The following GMCL1 variants were observed in gnomAD, a reference collection of about 807,000 sequenced individuals.
GMCL1 encodes the protein germ cell-less 1, spermatogenesis associated.
GMCL1 carries 54 observed loss-of-function variants against 75.5 expected under a neutral mutation model. The observed-to-expected ratio is 0.71, with a 90% CI of 0.57 to 0.90. GMCL1 has a LOEUF of 0.90. Among genes scored for constraint, GMCL1 ranks in the 40% least tolerant of loss-of-function variants. The pLI is 0.00. For synonymous variants in GMCL1, 210 were observed against 209.6 expected (o/e 1.00, Z -0.02); for missense variants, 537 against 622.7 (o/e 0.86, Z 1.47).
intron 11 of GMCL1, among the ~76,000 whole-genome samples, chr2:69,867,726 A>C (rs1675860160): frequency 6.6e-6 from 1 of 152,224 alleles, no homozygotes; most frequent in South Asian, 2.1e-4. Context: ...GCATCCAGAC[A>C]GATGAATGTG....
At chr2:69,855,238 A>C (rs558422939) in intron 9 of GMCL1, among the ~76,000 whole-genome samples, 5 of 152,120 alleles carry the variant, frequency 3.3e-5, no homozygotes, top group Admixed American at 1.3e-4. Context: ...AAACCAGTAC[A>C]TGATTTTGGA....
chr2:69,848,417 G>T (rs184227752), intron 7 of GMCL1, among the ~76,000 whole-genome samples: 2 of 152,316 alleles, frequency 1.3e-5, no homozygotes, highest in African/African-American at 4.8e-5. Context: ...TTAAAAAATT[G>T]GTGCAGAGGT....
chr2:69,835,652 A>G (rs1335092045), intron 1 of GMCL1, among the ~76,000 whole-genome samples: 1 of 152,176 alleles, frequency 6.6e-6, no homozygotes, highest in East Asian at 1.9e-4. Context: ...ATCACAGCAC[A>G]TTTCATATTT....
At chr2:69,864,073 A>G (rs1262851850) in intron 10 of GMCL1, among the ~76,000 whole-genome samples, 2 of 152,062 alleles carry the variant, frequency 1.3e-5, no homozygotes, top group Non-Finnish European at 2.9e-5. Context: ...ACAAACCACA[A>G]ATTATTAATA....
intron 1 of GMCL1, among the ~76,000 whole-genome samples, chr2:69,834,108 T>C (rs1399923426): frequency 6.6e-6 from 1 of 152,170 alleles, no homozygotes; most frequent in Non-Finnish European, 1.5e-5. Context: ...GGACAGTGCC[T>C]TTTTTTGTAT....
At chr2:69,868,008 G>A (rs1019100961) in intron 11 of GMCL1, among the ~76,000 whole-genome samples, 8 of 152,100 alleles carry the variant, frequency 5.3e-5, no homozygotes, top group Non-Finnish European at 7.4e-5. Flanking sequence ...GTAGCTATGC[G>A]CTATGCATTT....
chr2:69,835,835 A>C (rs1327468646), intron 1 of GMCL1, among the ~76,000 whole-genome samples: 1 of 152,152 alleles, frequency 6.6e-6, no homozygotes, highest in Non-Finnish European at 1.5e-5. Flanking sequence ...TGGTATCCTG[A>C]ACTGGTGAAT....
intron 1 of GMCL1, among the ~76,000 whole-genome samples, chr2:69,830,767 T>TG (rs1348662636): frequency 6.6e-6 from 1 of 151,518 alleles, no homozygotes; most frequent in Non-Finnish European, 1.5e-5. Flanking sequence ...TAACCCCTTT[T>TG]TTTTTTTTTT....
Position 69,865,814 on chromosome 2 carries a change from A to G in GMCL1, c.1218+839A>G, listed in dbSNP as rs778777629. ...AGACAGGCTCTCCCTCTGTCACCCA[A>G]CCTGGAGTGCAGTGGCGTGACCACA... On this transcript the variant is annotated intron_variant, in intron 11 of 13. Coordinates refer to ENST00000282570, the MANE Select transcript of GMCL1 (RefSeq NM_178439.5). Among the ~76,000 whole-genome samples, 7 of 152,136 alleles carry G rather than the reference A, an allele frequency of 4.6e-5. 1 individual carries two copies. The highest frequency in any genetic ancestry group is 3.9e-4 in the Admixed American group (6 of 15,270).
At chr2:69,874,038 G>A (rs557011536) in intron 13 of GMCL1, among the ~76,000 whole-genome samples, 1 of 149,846 alleles carries the variant, frequency 6.7e-6, no homozygotes, top group East Asian at 2.0e-4. Flanking sequence ...CATAATATTA[G>A]TTGTTTTGGC....
Position 69,829,813 on chromosome 2 carries a change from G to T in GMCL1, c.-80G>T. 2 of 1,437,348 alleles carry T rather than the reference G, an allele frequency of 1.4e-6. No individual in the cohort carries two copies. Among genetic ancestry groups the T allele is most frequent in the Non-Finnish European group, 9.1e-7 (1 of 1,093,816 alleles). 89.0% of individuals were successfully genotyped at this position (1,437,348 alleles called of 1,614,324 possible). On this transcript the variant is annotated 5_prime_UTR_variant, in exon 1 of 14. Transcript: ENST00000282570. ...TGGCGGTGTAGGCACCTGCGCTCGG[G>T]GAAGGCTGGCGGCGGCGGCCGAGCC...
At chr2:69,876,741 C>T (rs1676137205) in intron 13 of GMCL1, among the ~76,000 whole-genome samples, 1 of 152,166 alleles carries the variant, frequency 6.6e-6, no homozygotes, top group Non-Finnish European at 1.5e-5. Flanking sequence ...GTAATCCCAG[C>T]ACTTTGGGAG....
intron 6 of GMCL1, chr2:69,844,965 C>T (rs1013399779): frequency 7.3e-5 from 13 of 178,964 alleles, no homozygotes; most frequent in Admixed American, 2.0e-4. Context: ...AATCAGTCCT[C>T]AGGGTTTCTC....
At chr2:69,832,469 T>G (rs533016879) in intron 1 of GMCL1, among the ~76,000 whole-genome samples, 2 of 152,272 alleles carry the variant, frequency 1.3e-5, no homozygotes, top group East Asian at 3.9e-4. Flanking sequence ...CATACATACA[T>G]ACATATATAC....
Position 69,876,822 on chromosome 2 carries a change from A to G in GMCL1, c.1453-2087A>G, listed in dbSNP as rs948176732. On this transcript the variant is annotated intron_variant, in intron 13 of 13. Coordinates refer to ENST00000282570, the MANE Select transcript of GMCL1 (RefSeq NM_178439.5). ...CTGGCAACTTAGCAAAACCCTATCT[A>G]TACAAAAAATTGAAAAATTAGCCGG... Among the ~76,000 whole-genome samples, 9 of 152,208 alleles carry G rather than the reference A, an allele frequency of 5.9e-5. No homozygotes were observed. The East Asian group carries it at 1.4e-3, about 23-fold the overall frequency.
intron 10 of GMCL1, among the ~76,000 whole-genome samples, chr2:69,861,713 T>A (rs1675653355): frequency 6.6e-6 from 1 of 152,230 alleles, no homozygotes; most frequent in Non-Finnish European, 1.5e-5. Context: ...AAATCTGTTT[T>A]TCTTATGGTA....
rs373423781 is a variant in GMCL1, at chr2:69,871,804, A to G, written c.1424A>G (p.Tyr475Cys). 1.9e-6 allele frequency: 3 copies of G among 1,592,488 alleles called. No homozygotes were observed. The highest frequency in any genetic ancestry group is 1.7e-4 in the Middle Eastern group (1 of 6,038). The change falls in exon 13 of 14, where the codon TAT becomes TGT. Residue 475 changes from tyrosine to cysteine, a missense_variant. Transcript: ENST00000282570. ...CTAATATGTAGTAGAACAACTGGCT[A>G]TCAAATACTTACACTTGAAAAGGAT... ...GKLICSRTTG[Y>C]QILTLEKDQE...
At chr2:69,862,197 G>GT (rs2104017961) in intron 10 of GMCL1, among the ~76,000 whole-genome samples, 1 of 152,146 alleles carries the variant, frequency 6.6e-6, no homozygotes, top group Non-Finnish European at 1.5e-5. Context: ...TAATATATAG[G>GT]TATTGTGGAG....
At chr2:69,830,430 C>G (rs1040471130) in intron 1 of GMCL1, among the ~76,000 whole-genome samples, 6 of 152,202 alleles carry the variant, frequency 3.9e-5, no homozygotes, top group Admixed American at 6.5e-5. Context: ...GCTCGCGTCT[C>G]GTTAAACCTT....
Sources: gnomAD v4.1 joint callset for allele counts (sites outside exome capture counted in the v4.1 genomes callset) on GRCh38, gnomAD v4.1.1 for gene constraint, MANE v1.5 for transcripts, NCBI Gene and HGNC (gene_info 2026-07-23, HGNC 2026-07-21) for gene names.